The following PTPRF variants were observed in gnomAD, a reference collection of about 807,000 sequenced individuals.
PTPRF encodes receptor-type tyrosine-protein phosphatase F.
PTPRF carries 59 observed loss-of-function variants against 201.8 expected under a neutral mutation model. That is an observed-to-expected ratio of 0.29 (90% CI 0.24 to 0.36). The LOEUF is 0.36. PTPRF is among the 10% of genes least tolerant of loss of function. The pLI is 1.00. For synonymous variants in PTPRF, 1,088 were observed against 1,089.7 expected, an observed-to-expected ratio of 1.00 and a Z score of 0.03; for missense variants, 2,132 against 2,690.5, an observed-to-expected ratio of 0.79 and a Z score of 4.59.
chr1:43,583,448 G>C (rs1206241955), intron 7 of PTPRF, among the ~76,000 whole-genome samples: 1 of 152,202 alleles, frequency 6.6e-6, no homozygotes, highest in East Asian at 1.9e-4. Context: ...AATGGTTGTG[G>C]GGGGCTGTGG....
rs1645137916 is a variant in PTPRF, at chr1:43,553,123, C to G, written c.92-369C>G. 6.6e-6 allele frequency among the ~76,000 whole-genome samples: 1 copy of G among 152,078 alleles called. No individual in the cohort carries two copies. Among genetic ancestry groups the G allele is most frequent in the Non-Finnish European group, 1.5e-5 (1 of 68,016 alleles). ...AGCAGCTCTCCAGCACGCCTTTTTCCTGGAGCTTGGAATTGATGTGGGGCG... is the reference window on the plus strand; with the variant it reads ...AGCAGCTCTCCAGCACGCCTTTTTCGTGGAGCTTGGAATTGATGTGGGGCG... On this transcript the variant is annotated intron_variant, in intron 3 of 33. Coordinates refer to ENST00000359947, the MANE Select transcript of PTPRF (RefSeq NM_002840.5). The surrounding 1 kb of genome is among the most constrained non-coding windows in gnomAD (Gnocchi z 4.1).
intron 2 of PTPRF, among the ~76,000 whole-genome samples, chr1:43,540,843 G>A (rs1056555389): frequency 1.3e-5 from 2 of 152,246 alleles, no homozygotes; most frequent in African/African-American, 4.8e-5. Flanking sequence ...AGGGGTCCTG[G>A]CTGAGACTAT....
At chr1:43,606,156 G>A (rs1655045605) in intron 19 of PTPRF, 84 bp from the exon 20 acceptor site, 8 of 1,445,482 alleles carry the variant, frequency 5.5e-6, no homozygotes, top group Non-Finnish European at 7.4e-6. Flanking sequence ...TCTCGGCCCA[G>A]GGAGCTGACA....
At chr1:43,529,438 C>G (rs950797163), upstream of PTPRF, among the ~76,000 whole-genome samples, 1 of 152,230 alleles carries the variant, frequency 6.6e-6, no homozygotes, top group Non-Finnish European at 1.5e-5. Flanking sequence ...ACCACGTGAT[C>G]CCTGAATCCA....
At chr1:43,540,103 C>T (rs897893170) in intron 2 of PTPRF, among the ~76,000 whole-genome samples, 2 of 152,128 alleles carry the variant, frequency 1.3e-5, no homozygotes, top group African/African-American at 2.4e-5. Flanking sequence ...GATCAGATAA[C>T]CCTTATTGTG....
Position 43,617,441 on chromosome 1 carries a change from G to T in PTPRF, c.4072-4G>T. 1 of 1,614,096 alleles carries T rather than the reference G, an allele frequency of 6.2e-7. No homozygotes were observed. Among genetic ancestry groups the T allele is most frequent in the Non-Finnish European group, 8.5e-7 (1 of 1,180,012 alleles). On this transcript the variant is annotated splice_polypyrimidine_tract_variant and splice_region_variant and intron_variant, in intron 23 of 33. Transcript: ENST00000359947. Reference sequence around the variant, plus strand: ...ACCCCACCCGCTTTCTCCATTCTCTGCAGTCCATCGACCCTGGACAGCAGT... The same window carrying T: ...ACCCCACCCGCTTTCTCCATTCTCTTCAGTCCATCGACCCTGGACAGCAGT...
At chr1:43,589,682 C>G (rs963684113) in intron 8 of PTPRF, among the ~76,000 whole-genome samples, 1 of 143,756 alleles carries the variant, frequency 7.0e-6, no homozygotes, top group Non-Finnish European at 1.5e-5. Context: ...CGTAGTGAGA[C>G]CCCCATCTCT....
intron 5 of PTPRF, among the ~76,000 whole-genome samples, chr1:43,568,430 G>A (rs1175733735): frequency 6.6e-6 from 1 of 152,170 alleles, no homozygotes; most frequent in African/African-American, 2.4e-5. Flanking sequence ...GCCCTTACTA[G>A]TTACACCAGC....
upstream of PTPRF, among the ~76,000 whole-genome samples, chr1:43,527,590 C>T (rs1343888650): frequency 6.6e-6 from 1 of 152,224 alleles, no homozygotes; most frequent in Non-Finnish European, 1.5e-5. Flanking sequence ...ATTCTGAGAC[C>T]CCTGTGTCCC....
At chr1:43,597,147 CTA>C (rs774721306) in intron 11 of PTPRF, among the ~76,000 whole-genome samples, 1 of 143,358 alleles carries the variant, frequency 7.0e-6, no homozygotes, top group South Asian at 2.3e-4. Context: ...GTATATGACA[CTA>C]TGTATACGTG....
chr1:43,569,070 C>T (rs1207288103), intron 5 of PTPRF, among the ~76,000 whole-genome samples: 1 of 152,178 alleles, frequency 6.6e-6, no homozygotes, highest in Non-Finnish European at 1.5e-5. Context: ...GGCTAGAGAC[C>T]AGGCGGTGAC....
intron 21 of PTPRF, among the ~76,000 whole-genome samples, chr1:43,608,345 G>A (rs193172471): frequency 4.5e-4 from 69 of 152,312 alleles, no homozygotes; most frequent in Admixed American, 1.8e-3. Context: ...GGTAGGAGTT[G>A]TTCCTTCTCT....
At chr1:43,589,879 A>C (rs570853982) in intron 8 of PTPRF, among the ~76,000 whole-genome samples, 109 of 151,912 alleles carry the variant, frequency 7.2e-4, no homozygotes, top group African/African-American at 2.5e-3. Context: ...AAAAAAAAAA[A>C]ACCAGATTCC....
Position 43,605,315 on chromosome 1 carries a change from G to A in PTPRF, c.3261G>A (p.Leu1087=). ...ACCGTGGCAGCAGCGCAGGGGGCCT[G>A]CAGCACCTGGTGTCCATCCGCACAG... ...LMNRGSSAGG[L]QHLVSIRTAP... Residue 1087 remains leucine, a synonymous_variant, in exon 18 of 34, where the codon CTG becomes CTA. Transcript: ENST00000359947. 1 of 1,613,530 alleles carries A rather than the reference G, an allele frequency of 6.2e-7. No individual in the cohort carries two copies. The highest frequency in any genetic ancestry group is 8.5e-7 in the Non-Finnish European group (1 of 1,179,744).
chr1:43,611,687 C>G (rs997992721), intron 22 of PTPRF, among the ~76,000 whole-genome samples: 1 of 152,032 alleles, frequency 6.6e-6, no homozygotes, highest in Non-Finnish European at 1.5e-5. Context: ...GGCAGGGAGA[C>G]CATTTAAAAG....
intron 5 of PTPRF, among the ~76,000 whole-genome samples, chr1:43,564,370 C>CACAT: frequency 6.6e-6 from 1 of 152,138 alleles, no homozygotes; most frequent in South Asian, 2.1e-4. Flanking sequence ...CTGCCACCTA[C>CACAT]GAGGTTCCTT....
intron 7 of PTPRF, 125 bp downstream of exon 7, chr1:43,579,045 C>T (rs1191050139): frequency 3.4e-6 from 3 of 874,366 alleles, no homozygotes; most frequent in Non-Finnish European, 5.7e-6. Context: ...TCTTCTCCTT[C>T]CTGCTTCTTT....
At chr1:43,569,509 C>A (rs1368970553) in intron 5 of PTPRF, 81 bp from the exon 6 acceptor site, 3 of 1,418,364 alleles carry the variant, frequency 2.1e-6, no homozygotes, top group Non-Finnish European at 2.9e-6. Flanking sequence ...GGCCAACCTG[C>A]AGTTGGGGAG....
intron 25 of PTPRF, 147 bp downstream of exon 25, chr1:43,618,058 C>T (rs898611607): frequency 2.4e-6 from 2 of 833,700 alleles, no homozygotes; most frequent in Admixed American, 5.9e-5. Flanking sequence ...GTATTATGCT[C>T]CCCAAATACT....
Sources: gnomAD v4.1 joint callset for allele counts (sites outside exome capture counted in the v4.1 genomes callset) on GRCh38, gnomAD v4.1.1 for gene constraint, Gnocchi (gnomAD v3.1) non-coding constraint, MANE v1.5 for transcripts, NCBI Gene and HGNC (gene_info 2026-07-23, HGNC 2026-07-21) for gene names.